Variants in CIBAR2 observed in about 807,000 individuals in gnomAD.
The protein encoded by CIBAR2 is CBY1 interacting BAR domain containing 2, also known as CBY1-interacting BAR domain-containing protein 2.
CIBAR2 carries 38 observed loss-of-function variants against 36.2 expected under a neutral mutation model. The observed-to-expected ratio is 1.05, with a 90% CI of 0.81 to 1.38. The LOEUF (loss-of-function observed/expected upper bound fraction) is 1.38. Among genes scored for constraint, CIBAR2 ranks in the 40% most tolerant of loss-of-function variants. The pLI, the probability that CIBAR2 is intolerant of heterozygous loss-of-function variation, is 0.00. For missense variants in CIBAR2, 481 were observed against 383.4 expected, an observed-to-expected ratio of 1.25 and a Z score of -2.13; for synonymous variants, 182 against 149.5, an observed-to-expected ratio of 1.22 and a Z score of -1.58.
chr16:85,099,486 T>A, intron 8 of CIBAR2, 140 bp from the exon 9 acceptor site: 1 of 627,002 alleles, frequency 1.6e-6, no homozygotes, highest in Non-Finnish European at 2.8e-6. Flanking sequence ...GGGATGGAGG[T>A]GTGGACCTGA....
chr16:85,112,401 C>T lies in CIBAR2; in HGVS notation c.-49G>A, dbSNP rs558409221. 4 of 1,595,118 alleles carry T rather than the reference C, an allele frequency of 2.5e-6. No homozygotes were observed. The highest frequency in any genetic ancestry group is 3.3e-4 in the Middle Eastern group (2 of 5,986). On this transcript the variant is annotated 5_prime_UTR_variant, in exon 1 of 9. Coordinates refer to ENST00000539556, the MANE Select transcript of CIBAR2 (RefSeq NM_198491.3). ...CGGTGCTGGGGAATAAGGACAGGGCCCCAGGGGTCCTGCAGGCCTGGGAGG... is the reference window on the plus strand; with the variant it reads ...CGGTGCTGGGGAATAAGGACAGGGCTCCAGGGGTCCTGCAGGCCTGGGAGG...
chr16:85,112,421 G>T lies in CIBAR2; in HGVS notation c.-69C>A. The stretch of plus-strand genomic sequence containing the variant: ...AGGGCCCCAGGGGTCCTGCAGGCCT[G>T]GGAGGAGCCGGGCAGGGCTGGGTGC... On this transcript the variant is annotated 5_prime_UTR_variant, in exon 1 of 9. Transcript: ENST00000539556. 1 of 1,488,994 alleles carries T rather than the reference G, an allele frequency of 6.7e-7. No homozygotes were observed. The highest frequency in any genetic ancestry group is 9.4e-7 in the Non-Finnish European group (1 of 1,066,842). The allele number at this position is 1,488,994 out of a possible 1,614,324, so 92.2% of individuals were successfully genotyped here. A position where few individuals can be genotyped will look rare whatever the true frequency, so the allele number is the denominator to read the frequency against.
At position 85,099,010 on chromosome 16, in the gene CIBAR2, GTC is replaced by G; in HGVS notation, c.*173_*174del. The G allele has an allele frequency of 1.4e-6, 1 of 693,616 alleles. No individual in the cohort carries two copies. The allele number at this position is 693,616 out of a possible 1,614,324, so 43.0% of individuals were successfully genotyped here. A position where few individuals can be genotyped will look rare whatever the true frequency, so the allele number is the denominator to read the frequency against. ...ACAGAAATGCAAAATGCTCTGGAAA[GTC>G]TCAGCAACAGAATTGAACAAGTAGA... On this transcript the variant is annotated 3_prime_UTR_variant, in exon 9 of 9. Transcript: ENST00000539556.
At chr16:85,108,481 C>T (rs1365051315) in intron 2 of CIBAR2, among the ~76,000 whole-genome samples, 3 of 152,228 alleles carry the variant, frequency 2.0e-5, no homozygotes, top group South Asian at 2.1e-4. Flanking sequence ...ACACGACAGC[C>T]CTGGCCCCGT....
chr16:85,106,199 C>T (rs536874408), intron 5 of CIBAR2, among the ~76,000 whole-genome samples: 7 of 152,116 alleles, frequency 4.6e-5, no homozygotes, highest in Non-Finnish European at 1.0e-4. Flanking sequence ...AGGGCTGTGA[C>T]CCACATTCGT....
chr16:85,111,449 C>T (rs941676200), intron 1 of CIBAR2, among the ~76,000 whole-genome samples: 1 of 152,232 alleles, frequency 6.6e-6, no homozygotes, highest in Non-Finnish European at 1.5e-5. Context: ...GCCCCTGATT[C>T]AGCAGCACAG....
At chr16:85,112,001 A>C (rs957494989) in intron 1 of CIBAR2, among the ~76,000 whole-genome samples, 3 of 152,188 alleles carry the variant, frequency 2.0e-5, no homozygotes, top group Non-Finnish European at 4.4e-5. Context: ...CTGGGTCCCC[A>C]CAGAAGGGGG....
intron 7 of CIBAR2, among the ~76,000 whole-genome samples, chr16:85,101,772 C>T (rs113597486): frequency 0.022 from 3,356 of 151,908 alleles, 41 homozygotes; most frequent in East Asian, 0.057. Context: ...CGGGTTCAAG[C>T]GATTCTCCTG....
In CIBAR2 at chr16:85,099,109, T is replaced by A. The variant is rs1016074476; in HGVS notation, c.*76A>T. ...TCCAACAAAGACAAAGAAAAAAGAA[T>A]CAGAAAATAAGAACAAAGCCTCCAG... is the stretch of plus-strand genomic sequence containing the variant. On this transcript the variant is annotated 3_prime_UTR_variant, in exon 9 of 9. Transcript: ENST00000539556. 1.6e-4 allele frequency: 231 copies of A among 1,428,184 alleles called. No homozygotes were observed. The highest frequency in any genetic ancestry group is 2.1e-4 in the Non-Finnish European group (225 of 1,083,996). 88.5% of individuals were successfully genotyped at this position (1,428,184 alleles called of 1,614,324 possible). A position where few individuals can be genotyped will look rare whatever the true frequency, so the allele number is the denominator to read the frequency against.
rs2074009272 is a variant in CIBAR2, at chr16:85,107,900, T to C, written c.372A>G (p.Gln124=). The part of the protein sequence containing the change: ...FKHVQNHEIK[Q]LEKLEKLRQK... ...GCCTCAGTTTCTCCAGTTTTTCCAG[T>C]TGTTTGATCTCATGATTTTGGACAT... is the stretch of plus-strand genomic sequence containing the variant. The change falls in exon 4 of 9, where the codon CAA becomes CAG. Residue 124 remains glutamine (Q), a synonymous_variant. Transcript: ENST00000539556. 1.9e-6 allele frequency: 3 copies of C among 1,614,194 alleles called. No homozygotes were observed. Among genetic ancestry groups the C allele is most frequent in the East Asian group, 4.5e-5 (2 of 44,884 alleles).
At chr16:85,101,880 C>T (rs548490672) in intron 7 of CIBAR2, among the ~76,000 whole-genome samples, 2 of 152,218 alleles carry the variant, frequency 1.3e-5, no homozygotes, top group South Asian at 2.1e-4. Context: ...GTTGGCCAGG[C>T]TGGCCTCGAA....
At chr16:85,103,315 C>A in intron 6 of CIBAR2, among the ~76,000 whole-genome samples, 1 of 152,196 alleles carries the variant, frequency 6.6e-6, no homozygotes, top group East Asian at 1.9e-4. Flanking sequence ...ACTCCCCAGC[C>A]TCCAACACCG....
intron 7 of CIBAR2, among the ~76,000 whole-genome samples, chr16:85,101,032 C>A (rs2144153162): frequency 6.7e-6 from 1 of 149,014 alleles, no homozygotes; most frequent in South Asian, 2.1e-4. Context: ...GGCGACACAG[C>A]GAGACTCCGT....
chr16:85,111,593 C>T (rs989512894), intron 1 of CIBAR2, among the ~76,000 whole-genome samples: 3 of 152,226 alleles, frequency 2.0e-5, no homozygotes, highest in East Asian at 3.9e-4. Context: ...CGCCTGTCAT[C>T]CCAGCTCTTT....
At position 85,112,274 on chromosome 16, in the gene CIBAR2, C is replaced by G. The variant is rs1358748240; in HGVS notation, c.20+59G>C. 3.9e-6 allele frequency: 6 copies of G among 1,552,580 alleles called. No individual in the cohort carries two copies. The Admixed American group carries it at 1.0e-4, about 26-fold the overall frequency. On this transcript the variant is annotated intron_variant, in intron 1 of 8. Coordinates refer to ENST00000539556, the MANE Select transcript of CIBAR2 (RefSeq NM_198491.3). ...GCTGCCCTCATCTTTGTTGGTGCCC[C>G]GGGCCTCAAAACCCGACTTCCACCT...
In CIBAR2 at chr16:85,102,237, A is replaced by G. The variant is rs2073961106; in HGVS notation, c.628T>C (p.Tyr210His). Residue 210 changes from tyrosine (Y) to histidine (H), a missense_variant, in exon 7 of 9, where the codon TAT (tyrosine) becomes CAT (histidine). By Grantham distance (83) the Tyr-to-His change is moderately conservative. Transcript: ENST00000539556. ...YSSAFQTLEK[Y>H]DLERDLLDFR... ...ACCAGTAGATCCCTCTCCAGGTCATACTTCTCCAGGGTCTGGAAGGCGCTA... is the reference window on the plus strand; with the variant it reads ...ACCAGTAGATCCCTCTCCAGGTCATGCTTCTCCAGGGTCTGGAAGGCGCTA... The G allele has an allele frequency of 1.2e-6, 2 of 1,606,520 alleles. No homozygotes were observed. The highest frequency in any genetic ancestry group is 1.3e-5 in the African/African-American group (1 of 74,756).
chr16:85,104,468 G>A (rs2073979676), intron 6 of CIBAR2, among the ~76,000 whole-genome samples: 2 of 152,186 alleles, frequency 1.3e-5, no homozygotes, highest in African/African-American at 4.8e-5. Context: ...AGCACTTTAG[G>A]AGGCCAAGGT....
Position 85,099,189 on chromosome 16 carries a change from A to G in CIBAR2, c.911T>C (p.Leu304Pro), listed in dbSNP as rs1318584193. ...GATTGCACTTACCCTACGTCGTTAGAGAGAATGTCCTGGAAGCATGAGATG... is the reference window on the plus strand; with the variant it reads ...GATTGCACTTACCCTACGTCGTTAGGGAGAATGTCCTGGAAGCATGAGATG... ...GGHLMLPGHSL is the reference protein window; with the variant it reads ...GGHLMLPGHSP Residue 304 changes from leucine to proline, a missense_variant, in exon 9 of 9, where the codon CTC becomes CCC. By Grantham distance (98) the Leu-to-Pro change is moderately conservative. Transcript: ENST00000539556. The G allele has an allele frequency of 1.3e-6, 2 of 1,573,306 alleles. No individual in the cohort carries two copies. Among genetic ancestry groups the G allele is most frequent in the African/African-American group, 1.4e-5 (1 of 73,034 alleles).
At chr16:85,109,239 C>T (rs56161425) in intron 2 of CIBAR2, among the ~76,000 whole-genome samples, 20,308 of 152,016 alleles carry the variant, frequency 0.13, 1,392 homozygotes, top group Middle Eastern at 0.18. Context: ...GGCGAAACCC[C>T]ATCTCTTAAA....
Sources: allele counts gnomAD v4.1 joint callset (sites outside exome capture counted in the v4.1 genomes callset), GRCh38; gene constraint gnomAD v4.1.1; transcripts MANE v1.5; gene names NCBI Gene and HGNC (gene_info 2026-07-23, HGNC 2026-07-21).